Variants in PROC observed in about 807,000 individuals in gnomAD.
The protein encoded by PROC is protein C, inactivator of coagulation factors Va and VIIIa.
Under a neutral mutation model 36.3 loss-of-function variants are expected in PROC, and 22 were observed. The observed-to-expected ratio is 0.61, with a 90% CI of 0.43 to 0.86. PROC has a LOEUF of 0.86. Ranked by LOEUF, PROC falls within the 40% of genes least tolerant of loss-of-function variation. The pLI is 0.00. For synonymous variants in PROC, 218 were observed against 244.5 expected (o/e 0.89, Z 1.01); for missense variants, 526 against 629.7 (o/e 0.84, Z 1.76).
At position 127,429,085 on chromosome 2, in the gene PROC, C is replaced by G. The variant is rs945579957; in HGVS notation, c.*139C>G. 6.5e-6 allele frequency: 6 copies of G among 927,736 alleles called. No individual in the cohort carries two copies. Among genetic ancestry groups the G allele is most frequent in the Non-Finnish European group, 1.0e-5 (6 of 597,510 alleles). The allele number at this position is 927,736 out of a possible 1,614,324, so 57.5% of individuals were successfully genotyped here. ...CTGGAGGGAAGTAACATTTACTGAG[C>G]ACCTGTTGTATGTCACATGCCTTAT... On this transcript the variant is annotated 3_prime_UTR_variant, in exon 9 of 9. Transcript: ENST00000234071.
In PROC at chr2:127,423,068, C is replaced by T. The variant is rs763618496; in HGVS notation, c.297C>T (p.His99=). The stretch of plus-strand genomic sequence containing the variant: ...AGTGCTTGGTCTTGCCCTTGGAGCA[C>T]CCGTGCGCCAGCCTGTGCTGCGGGC... ...GDQCLVLPLE[H]PCASLCCGHG... is the part of the protein sequence containing the mutation. Residue 99 remains histidine (H), a synonymous_variant, in exon 5 of 9, where the codon CAC becomes CAT. Coordinates refer to ENST00000234071, the MANE Select transcript of PROC (RefSeq NM_000312.4). 6.2e-7 allele frequency: 1 copy of T among 1,612,176 alleles called. No homozygotes were observed. The highest frequency in any genetic ancestry group is 8.5e-7 in the Non-Finnish European group (1 of 1,179,626).
rs746989553 is a variant in PROC, at chr2:127,426,130, G to A, written c.581G>A (p.Arg194His). The change falls in exon 7 of 9, where the codon CGC (arginine) becomes CAC (histidine). Residue 194 changes from arginine to histidine, a missense_variant. By Grantham distance (29) the Arg-to-His change is conservative. Coordinates refer to ENST00000234071, the MANE Select transcript of PROC (RefSeq NM_000312.4). The surrounding 1 kb of genome is among the most constrained non-coding windows in gnomAD (Gnocchi z 7.0). ...GRPWKRMEKK[R>H]SHLKRDTEDQ... is the part of the protein sequence containing the mutation. ...CCCTGGAAGCGGATGGAGAAGAAGC[G>A]CAGTCACCTGAAACGAGACACAGAA... is the stretch of plus-strand genomic sequence containing the variant. 20 of 1,613,974 alleles carry A rather than the reference G, an allele frequency of 1.2e-5. No individual in the cohort carries two copies. The Admixed American group carries it at 1.8e-4, about 15-fold the overall frequency.
At chr2:127,420,812 G>T (rs971425591) in intron 2 of PROC, among the ~76,000 whole-genome samples, 1 of 152,166 alleles carries the variant, frequency 6.6e-6, no homozygotes, top group African/African-American at 2.4e-5. Flanking sequence ...GAGGAAGACT[G>T]GGGGGATGTG....
In PROC at chr2:127,422,958, T is replaced by C. The variant is rs1244178535; in HGVS notation, c.262+17T>C. On this transcript the variant is annotated intron_variant, in intron 4 of 8. Transcript: ENST00000234071. ...AGCACGTCGGTGAGTGCGTTCTAGA[T>C]CCCCGGCTGGACTACCGGCGCCCGC... is the stretch of plus-strand genomic sequence containing the variant. 1 of 1,606,186 alleles carries C rather than the reference T, an allele frequency of 6.2e-7. No homozygotes were observed. Among genetic ancestry groups the C allele is most frequent in the Non-Finnish European group, 8.5e-7 (1 of 1,177,240 alleles).
intron 6 of PROC, among the ~76,000 whole-genome samples, chr2:127,424,860 T>C (rs1414123003): frequency 1.3e-5 from 2 of 152,108 alleles, no homozygotes; most frequent in Non-Finnish European, 2.9e-5. Flanking sequence ...TAGGCTGCTT[T>C]CTAAGAGGAC....
Position 127,426,304 on chromosome 2 carries a change from G to C in PROC, c.678+77G>C. ...AGTCCATCCTGGCAGCTATGCTCAGGGTGCAGAAACCGAGAGGGAAGCGCT... is the reference window on the plus strand; with the variant it reads ...AGTCCATCCTGGCAGCTATGCTCAGCGTGCAGAAACCGAGAGGGAAGCGCT... On this transcript the variant is annotated intron_variant, in intron 7 of 8. Transcript: ENST00000234071. This position sits in a 1 kb window ranked among gnomAD's most constrained non-coding sequence, Gnocchi z 7.0. 1 of 1,598,846 alleles carries C rather than the reference G, an allele frequency of 6.3e-7. No homozygotes were observed. Among genetic ancestry groups the C allele is most frequent in the African/African-American group, 1.3e-5 (1 of 74,676 alleles).
At position 127,426,460 on chromosome 2, in the gene PROC, G is replaced by A; in HGVS notation, c.678+233G>A. 3.4e-6 allele frequency: 2 copies of A among 591,132 alleles called. No individual in the cohort carries two copies. The highest frequency in any genetic ancestry group is 5.8e-5 in the East Asian group (2 of 34,462). The allele number at this position is 591,132 out of a possible 1,614,324, so 36.6% of individuals were successfully genotyped here. A position where few individuals can be genotyped will look rare whatever the true frequency, so the allele number is the denominator to read the frequency against. ...GGCATGGAGGGGTCTGCAGGAGGGAGGGTTACAGTTTCTAAAAAGAGCTGG... is the reference window on the plus strand; with the variant it reads ...GGCATGGAGGGGTCTGCAGGAGGGAAGGTTACAGTTTCTAAAAAGAGCTGG... On this transcript the variant is annotated intron_variant, in intron 7 of 8. Transcript: ENST00000234071. The surrounding 1 kb of genome is among the most constrained non-coding windows in gnomAD (Gnocchi z 7.0).
chr2:127,424,335 G>A (rs1343761928), intron 6 of PROC, among the ~76,000 whole-genome samples: 1 of 152,166 alleles, frequency 6.6e-6, no homozygotes, highest in African/African-American at 2.4e-5. Flanking sequence ...GAGTAGCTGG[G>A]ATTACAGGCA....
rs1688470321 is a variant in PROC at position 127,426,020 on chromosome 2, C to A, written c.536-65C>A. On this transcript the variant is annotated intron_variant, in intron 6 of 8. Coordinates refer to ENST00000234071, the MANE Select transcript of PROC (RefSeq NM_000312.4). The surrounding 1 kb of genome is among the most constrained non-coding windows in gnomAD (Gnocchi z 7.0). ...AGTGGCCCACAGGCTGGAGGAGGAC[C>A]AAGACAGGAGGGCAGTCTCGGGAGG... The A allele has an allele frequency of 6.2e-7, 1 of 1,609,442 alleles. No homozygotes were observed.
At position 127,426,333 on chromosome 2, in the gene PROC, A is replaced by T; in HGVS notation, c.678+106A>T. On this transcript the variant is annotated intron_variant, in intron 7 of 8. Coordinates refer to ENST00000234071, the MANE Select transcript of PROC (RefSeq NM_000312.4). The surrounding 1 kb of genome is among the most constrained non-coding windows in gnomAD (Gnocchi z 7.0). ...CAGAAACCGAGAGGGAAGCGCTGCC[A>T]TTGCGTTTGGGGGATGATGAAGGTG... 8.0e-6 allele frequency: 11 copies of T among 1,381,160 alleles called. No homozygotes were observed. The highest frequency in any genetic ancestry group is 8.9e-6 in the Non-Finnish European group (9 of 1,013,894). The allele number at this position is 1,381,160 out of a possible 1,614,324, so 85.6% of individuals were successfully genotyped here.
chr2:127,418,539 T>C lies in PROC; in HGVS notation c.-22+47T>C. On this transcript the variant is annotated intron_variant, in intron 1 of 8. Transcript: ENST00000234071. This position sits in a 1 kb window ranked among gnomAD's most constrained non-coding sequence, Gnocchi z 4.8. ...TCTATGAGGGGTGTGGAGGGAGGGC[T>C]GCCCCCGGGAGAAGAGAGCTAGGTG... The C allele has an allele frequency of 7.8e-7, 1 of 1,282,114 alleles. No individual in the cohort carries two copies. The highest frequency in any genetic ancestry group is 1.0e-6 in the Non-Finnish European group (1 of 981,918). 79.4% of individuals were successfully genotyped at this position (1,282,114 alleles called of 1,614,324 possible). A position where few individuals can be genotyped will look rare whatever the true frequency, so the allele number is the denominator to read the frequency against.
In PROC at chr2:127,421,339, G is replaced by C. The variant is rs767626189; in HGVS notation, c.127G>C (p.Ala43Pro). ...AHQVLRIRKRANSFLEELRHS... is the reference protein window; with the variant it reads ...AHQVLRIRKRPNSFLEELRHS... Reference sequence around the variant, plus strand: ...CCAGGTGCTGCGGATCCGCAAACGTGCCAACTCCTTCCTGGAGGAGCTCCG... The same window carrying C: ...CCAGGTGCTGCGGATCCGCAAACGTCCCAACTCCTTCCTGGAGGAGCTCCG... Residue 43 changes from alanine to proline, a missense_variant, in exon 3 of 9, where the codon GCC (alanine) becomes CCC (proline). Ala to Pro is a conservative substitution (Grantham distance 27). Coordinates refer to ENST00000234071, the MANE Select transcript of PROC (RefSeq NM_000312.4). The C allele has an allele frequency of 6.2e-7, 1 of 1,613,902 alleles. No homozygotes were observed. The highest frequency in any genetic ancestry group is 1.1e-5 in the South Asian group (1 of 91,080).
rs370765189 is a variant in PROC, at chr2:127,421,489, G to A, written c.237+40G>A. 1.9e-4 allele frequency: 302 copies of A among 1,611,104 alleles called. 1 individual carries two copies. The highest frequency in any genetic ancestry group is 2.0e-4 in the Non-Finnish European group (238 of 1,178,450). On this transcript the variant is annotated intron_variant, in intron 3 of 8. Coordinates refer to ENST00000234071, the MANE Select transcript of PROC (RefSeq NM_000312.4). ...GGTCCAGAGGATGAGGCTCAGGGGC[G>A]AGCTGGTAACCAGCAGGGGCCTCGA...
chr2:127,426,355 GGT>G lies in PROC; in HGVS notation c.678+130_678+131del. Reference sequence around the variant, plus strand: ...GCCATTGCGTTTGGGGGATGATGAAGGTGGGGGATGCTTCAGGGAAAGATGGA... The same window carrying G: ...GCCATTGCGTTTGGGGGATGATGAAGGGGGGATGCTTCAGGGAAAGATGGA... On this transcript the variant is annotated intron_variant, in intron 7 of 8. Transcript: ENST00000234071. The surrounding 1 kb of genome is among the most constrained non-coding windows in gnomAD (Gnocchi z 7.0). 1 of 1,384,142 alleles carries G rather than the reference GGT, an allele frequency of 7.2e-7. No individual in the cohort carries two copies. The highest frequency in any genetic ancestry group is 1.0e-6 in the Non-Finnish European group (1 of 995,688). The allele number at this position is 1,384,142 out of a possible 1,614,324, so 85.7% of individuals were successfully genotyped here.
chr2:127,419,809 C>T (rs543936433), intron 1 of PROC, 113 bp from the exon 2 acceptor site: 1 of 1,571,250 alleles, frequency 6.4e-7, no homozygotes, highest in East Asian at 2.4e-5. Flanking sequence ...ATCCCAGCTT[C>T]CGCCCTGACG....
chr2:127,427,716 G>T (rs1017188289), intron 8 of PROC, among the ~76,000 whole-genome samples: 1 of 152,244 alleles, frequency 6.6e-6, no homozygotes, highest in African/African-American at 2.4e-5. Context: ...TTTCTGGAGG[G>T]GGGGTCTGGC....
chr2:127,427,700 T>C (rs1352788948), intron 8 of PROC, among the ~76,000 whole-genome samples: 3 of 152,204 alleles, frequency 2.0e-5, no homozygotes, highest in Non-Finnish European at 2.9e-5. Context: ...CCCCGATCTA[T>C]GGCAATTTCT....
At chr2:127,423,632 C>T in intron 6 of PROC, 1 of 617,446 alleles carries the variant, frequency 1.6e-6, no homozygotes, top group East Asian at 3.4e-5. Flanking sequence ...TTCCTTTCTT[C>T]CTGGCGTCCC....
intron 8 of PROC, 129 bp downstream of exon 8, chr2:127,427,351 G>A: frequency 1.2e-6 from 1 of 800,620 alleles, no homozygotes; most frequent in Non-Finnish European, 2.1e-6. Flanking sequence ...TCCACAGAAG[G>A]TGTTTGGGGG....
Sources: allele counts gnomAD v4.1 joint callset (sites outside exome capture counted in the v4.1 genomes callset), GRCh38; gene constraint gnomAD v4.1.1; non-coding constraint Gnocchi (gnomAD v3.1); transcripts MANE v1.5; gene names NCBI Gene and HGNC (gene_info 2026-07-23, HGNC 2026-07-21).